Variants in WDR45B observed in about 807,000 individuals in gnomAD.
The protein encoded by WDR45B is WD repeat domain phosphoinositide-interacting protein 3.
A neutral mutation model predicts 44.6 loss-of-function variants in WDR45B; 20 were observed. The observed-to-expected ratio is 0.45, with a 90% CI of 0.32 to 0.65. The LOEUF (loss-of-function observed/expected upper bound fraction) is 0.65, where lower values mean the gene tolerates loss of function less well. Among genes scored for constraint, WDR45B ranks in the 30% least tolerant of loss-of-function variants. The pLI, the probability that WDR45B is intolerant of heterozygous loss-of-function variation, is 0.05. For synonymous variants in WDR45B, 169 were observed against 164.9 expected (o/e 1.02, Z -0.19); for missense variants, 323 against 430.2 (o/e 0.75, Z 2.20).
rs1034844750 is a variant in WDR45B, at chr17:82,644,216, G to C, written c.68-193C>G. ...CAAGCACATCCATGCAGGGCATTTTGTTTGTCCTTTAGCAAAGGAGTCTTG... is the reference window on the plus strand; with the variant it reads ...CAAGCACATCCATGCAGGGCATTTTCTTTGTCCTTTAGCAAAGGAGTCTTG... On this transcript the variant is annotated intron_variant, in intron 1 of 9. Transcript: ENST00000392325. 1.1e-5 allele frequency: 7 copies of C among 647,060 alleles called. No individual in the cohort carries two copies. In the Admixed American group the frequency reaches 1.2e-4, roughly 11 times the overall value. The allele number at this position is 647,060 out of a possible 1,614,324, so 40.1% of individuals were successfully genotyped here.
chr17:82,626,693 C>A, intron 4 of WDR45B: 1 of 179,870 alleles, frequency 5.6e-6, no homozygotes, highest in East Asian at 1.4e-4. Context: ...ACGAACTCTG[C>A]GCTATCTTGC....
rs2045511353 is a variant in WDR45B, at chr17:82,614,976, G to A, written c.*943C>T. The A allele has an allele frequency of 6.6e-6, 1 of 152,138 alleles. No individual in the cohort carries two copies. 9.4% of individuals were successfully genotyped at this position (152,138 alleles called of 1,614,324 possible). ...AGGGGAGGGGAGACGGTGGACCTGG[G>A]GGCTCGGAGGCCAGACCAGGGCATT... is the stretch of plus-strand genomic sequence containing the variant. On this transcript the variant is annotated 3_prime_UTR_variant, in exon 10 of 10. Transcript: ENST00000392325.
chr17:82,647,476 G>GCCGCATCCC (rs2045993776), intron 1 of WDR45B, among the ~76,000 whole-genome samples: 1 of 152,204 alleles, frequency 6.6e-6, no homozygotes, highest in Non-Finnish European at 1.5e-5. Context: ...CGCCGCCCCG[G>GCCGCATCCC]CCGCATCCCC....
intron 2 of WDR45B, among the ~76,000 whole-genome samples, chr17:82,632,846 A>G (rs558320711): frequency 6.6e-6 from 1 of 152,212 alleles, no homozygotes; most frequent in Non-Finnish European, 1.5e-5. Flanking sequence ...TGGGCAACAT[A>G]AGGAAATCCC....
At chr17:82,639,137 T>C (rs1034687958) in intron 2 of WDR45B, among the ~76,000 whole-genome samples, 5 of 152,012 alleles carry the variant, frequency 3.3e-5, no homozygotes, top group African/African-American at 1.2e-4. Flanking sequence ...GTTCTAAACT[T>C]TGTGCATAGA....
chr17:82,625,068 G>A (rs1001339835), intron 5 of WDR45B, among the ~76,000 whole-genome samples: 2 of 152,204 alleles, frequency 1.3e-5, no homozygotes, highest in African/African-American at 4.8e-5. Flanking sequence ...GACAAGGGAA[G>A]GAAAGGCTTG....
At position 82,648,413 on chromosome 17, in the gene WDR45B, G is replaced by T; in HGVS notation, c.-73C>A. On this transcript the variant is annotated 5_prime_UTR_variant, in exon 1 of 10. Transcript: ENST00000392325. ...CTGGGGACGGCGGCCTGGTCCCTTC[G>T]GGCCGGCGCTGAGGCCGCCGCGGCC... The T allele has an allele frequency of 6.4e-7, 1 of 1,552,582 alleles. No homozygotes were observed. The highest frequency in any genetic ancestry group is 8.7e-7 in the Non-Finnish European group (1 of 1,148,614).
At position 82,619,028 on chromosome 17, in the gene WDR45B, T is replaced by G. The variant is rs376697176; in HGVS notation, c.704+15A>C. 1.9e-6 allele frequency: 3 copies of G among 1,613,620 alleles called. No homozygotes were observed. In the African/African-American group the frequency reaches 4.0e-5, roughly 22 times the overall value. The stretch of plus-strand genomic sequence containing the variant: ...GCCCGAAGTTCTTCTCCGGTGAAGT[T>G]GGAGGTGCCCTTACCAGTAAATATT... On this transcript the variant is annotated intron_variant, in intron 7 of 9. Coordinates refer to ENST00000392325, the MANE Select transcript of WDR45B (RefSeq NM_019613.4).
intron 9 of WDR45B, 26 bp from the exon 10 acceptor site, chr17:82,616,051 CTG>C (rs2045529637): frequency 1.9e-6 from 3 of 1,598,674 alleles, no homozygotes; most frequent in Non-Finnish European, 2.6e-6. Flanking sequence ...ACCATTTTAC[CTG>C]TGTGTTTCTT....
intron 6 of WDR45B, among the ~76,000 whole-genome samples, chr17:82,620,929 G>T (rs1321731300): frequency 1.3e-5 from 2 of 152,174 alleles, no homozygotes; most frequent in African/African-American, 4.8e-5. Flanking sequence ...GTTTTGAGCT[G>T]TGTGTTATCA....
At position 82,617,544 on chromosome 17, in the gene WDR45B, G is replaced by A. The variant is rs972797333; in HGVS notation, c.705-147C>T. The A allele has an allele frequency of 5.2e-6, 4 of 767,864 alleles. No individual in the cohort carries two copies. In the South Asian group the frequency reaches 5.9e-5, roughly 11 times the overall value. 47.6% of individuals were successfully genotyped at this position (767,864 alleles called of 1,614,324 possible). A position where few individuals can be genotyped will look rare whatever the true frequency, so the allele number is the denominator to read the frequency against. On this transcript the variant is annotated intron_variant, in intron 7 of 9. Coordinates refer to ENST00000392325, the MANE Select transcript of WDR45B (RefSeq NM_019613.4). ...CTGAATACTGCCCTTTCTTTAACAA[G>A]CCGACAACCATCCCCACAGCACCAC...
intron 5 of WDR45B, among the ~76,000 whole-genome samples, chr17:82,622,445 T>G (rs2045631690): frequency 6.6e-6 from 1 of 152,194 alleles, no homozygotes; most frequent in Non-Finnish European, 1.5e-5. Flanking sequence ...TTTTTTATTT[T>G]TTTGAGACGG....
At chr17:82,633,478 C>G (rs2045794701) in intron 2 of WDR45B, among the ~76,000 whole-genome samples, 1 of 152,116 alleles carries the variant, frequency 6.6e-6, no homozygotes. Flanking sequence ...GACATCAAAA[C>G]CAAACCACAA....
intron 2 of WDR45B, among the ~76,000 whole-genome samples, chr17:82,641,051 G>A (rs189857993): frequency 2.0e-3 from 283 of 140,094 alleles, no homozygotes; most frequent in Non-Finnish European, 3.2e-3. Context: ...CTGCAACCTC[G>A]GCCTCCCGGG....
Position 82,648,413 on chromosome 17 carries a change from G to C in WDR45B, c.-73C>G, listed in dbSNP as rs550506169. 5.0e-5 allele frequency: 78 copies of C among 1,552,582 alleles called. No individual in the cohort carries two copies. In the East Asian group the frequency reaches 1.3e-3, roughly 27 times the overall value. Reference sequence around the variant, plus strand: ...CTGGGGACGGCGGCCTGGTCCCTTCGGGCCGGCGCTGAGGCCGCCGCGGCC... The same window carrying C: ...CTGGGGACGGCGGCCTGGTCCCTTCCGGCCGGCGCTGAGGCCGCCGCGGCC... On this transcript the variant is annotated 5_prime_UTR_variant, in exon 1 of 10. Transcript: ENST00000392325.
Position 82,619,126 on chromosome 17 carries a change from C to T in WDR45B, c.621G>A (p.Gly207=). Residue 207 remains glycine (G), a splice_region_variant and synonymous_variant, in exon 7 of 10, where the codon GGG becomes GGA. Coordinates refer to ENST00000392325, the MANE Select transcript of WDR45B (RefSeq NM_019613.4). ...GTRIATASEK[G]TLIRIFDTSS... is the part of the protein sequence containing the mutation. ...AAGTATCAAATATTCTTATAAGCGT[C>T]CCCTTTGAAAAACAGTGAAGTGTTT... The T allele has an allele frequency of 6.2e-7, 1 of 1,614,080 alleles. No individual in the cohort carries two copies. The highest frequency in any genetic ancestry group is 8.5e-7 in the Non-Finnish European group (1 of 1,179,918).
At chr17:82,624,485 C>T (rs2045665411) in intron 5 of WDR45B, among the ~76,000 whole-genome samples, 1 of 152,186 alleles carries the variant, frequency 6.6e-6, no homozygotes, top group Admixed American at 6.5e-5. Context: ...TGCTCTCTAT[C>T]TCCTGACCTC....
intron 2 of WDR45B, among the ~76,000 whole-genome samples, chr17:82,640,201 T>C (rs917773389): frequency 6.6e-6 from 1 of 152,056 alleles, no homozygotes; most frequent in African/African-American, 2.4e-5. Context: ...CCTTACTCAA[T>C]GCACAGTCAC....
At chr17:82,639,489 C>A (rs2045880772) in intron 2 of WDR45B, among the ~76,000 whole-genome samples, 1 of 152,070 alleles carries the variant, frequency 6.6e-6, no homozygotes, top group Non-Finnish European at 1.5e-5. Context: ...CCACCTCCTT[C>A]CCAAAGCTAC....
Sources: gnomAD v4.1 joint callset for allele counts (sites outside exome capture counted in the v4.1 genomes callset) on GRCh38, gnomAD v4.1.1 for gene constraint, MANE v1.5 for transcripts, NCBI Gene and HGNC (gene_info 2026-07-23, HGNC 2026-07-21) for gene names.